The following HMOX2 variants were observed in gnomAD, a reference collection of about 807,000 sequenced individuals.
HMOX2 encodes the protein heme oxygenase (decycling) 2.
A neutral mutation model predicts 33.7 loss-of-function variants in HMOX2; 30 were observed. The observed-to-expected ratio is 0.89, with a 90% CI of 0.67 to 1.21. The LOEUF is 1.21. HMOX2 is among the 50% of genes most tolerant of loss of function. The probability of loss-of-function intolerance (pLI) is 0.00; values close to 1 mark genes in which losing one functional copy is unlikely to be tolerated. For synonymous variants in HMOX2, 155 were observed against 155.0 expected, an observed-to-expected ratio of 1.00 and a Z score of 0.00; for missense variants, 403 against 399.1, an observed-to-expected ratio of 1.01 and a Z score of -0.08.
chr16:4,481,086 C>A (rs528947191), intron 1 of HMOX2, among the ~76,000 whole-genome samples: 3 of 151,686 alleles, frequency 2.0e-5, no homozygotes, highest in East Asian at 2.0e-4. Flanking sequence ...GTGGCTCGCA[C>A]CTGTAATCCC....
chr16:4,508,354 G>T (rs2141612873), intron 4 of HMOX2, 150 bp downstream of exon 4: 16 of 840,520 alleles, frequency 1.9e-5, no homozygotes, highest in Non-Finnish European at 3.0e-5. Flanking sequence ...TTGGCCACCA[G>T]AGCTTGTGGG....
intron 1 of HMOX2, among the ~76,000 whole-genome samples, chr16:4,504,152 C>G (rs568046026): frequency 6.6e-6 from 1 of 152,298 alleles, no homozygotes; most frequent in African/African-American, 2.4e-5. Context: ...TTCCTTCAGC[C>G]TAGCAAAGTC....
chr16:4,509,350 T>A (rs867654961), intron 4 of HMOX2, 62 bp from the exon 5 acceptor site: 239 of 1,377,446 alleles, frequency 1.7e-4, no homozygotes, highest in Middle Eastern at 2.0e-4. Context: ...AAAAGACATT[T>A]AAAAAAAAAA....
intron 1 of HMOX2, among the ~76,000 whole-genome samples, chr16:4,498,687 T>C (rs2058483078): frequency 6.6e-6 from 1 of 152,226 alleles, no homozygotes; most frequent in African/African-American, 2.4e-5. Flanking sequence ...GATTTGCTCT[T>C]TTATCAAGAG....
chr16:4,496,561 A>AC (rs2058427027), intron 1 of HMOX2: 1 of 152,234 alleles, frequency 6.6e-6, no homozygotes, highest in East Asian at 1.9e-4. Flanking sequence ...GTCTGTGGTG[A>AC]CACTATACTA....
At chr16:4,477,118 C>T (rs886894100) in intron 1 of HMOX2, among the ~76,000 whole-genome samples, 2 of 152,034 alleles carry the variant, frequency 1.3e-5, no homozygotes, top group African/African-American at 4.8e-5. Flanking sequence ...TTTCTGAGCG[C>T]AGTGCTCTGG....
At chr16:4,502,945 T>C (rs948774312) in intron 1 of HMOX2, 1 of 152,318 alleles carries the variant, frequency 6.6e-6, no homozygotes, top group Non-Finnish European at 1.5e-5. Context: ...GCCTCCTGAG[T>C]AGCTGGGATT....
intron 1 of HMOX2, among the ~76,000 whole-genome samples, chr16:4,483,994 A>T (rs1158549412): frequency 2.1e-4 from 14 of 66,498 alleles, no homozygotes; most frequent in African/African-American, 1.3e-3. Flanking sequence ...TTTTTTTTTG[A>T]GACGGAGTCT....
intron 1 of HMOX2, among the ~76,000 whole-genome samples, chr16:4,488,223 T>C (rs1051171310): frequency 1.2e-4 from 18 of 152,144 alleles, no homozygotes; most frequent in Non-Finnish European, 2.5e-4. Flanking sequence ...TTATGTCTGC[T>C]TTTTTCTAAA....
chr16:4,506,822 C>G (rs2058704830), intron 2 of HMOX2, 73 bp from the exon 3 acceptor site: 1 of 1,136,262 alleles, frequency 8.8e-7, no homozygotes, highest in Non-Finnish European at 1.3e-6. Context: ...TGGACTCAAT[C>G]TTCTCTCTAT....
intron 1 of HMOX2, among the ~76,000 whole-genome samples, chr16:4,497,374 AG>A (rs1317810321): frequency 1.3e-5 from 2 of 152,198 alleles, no homozygotes; most frequent in Non-Finnish European, 2.9e-5. Context: ...AAATCCCACC[AG>A]AACCATTTTA....
intron 1 of HMOX2, among the ~76,000 whole-genome samples, chr16:4,502,548 C>T (rs1265579568): frequency 2.6e-5 from 4 of 152,010 alleles, no homozygotes; most frequent in African/African-American, 9.7e-5. Context: ...TTCCATCACC[C>T]ATCTAGAGGC....
chr16:4,500,480 C>T (rs1054136356), intron 1 of HMOX2, among the ~76,000 whole-genome samples: 1 of 152,038 alleles, frequency 6.6e-6, no homozygotes, highest in Non-Finnish European at 1.5e-5. Context: ...GAATTGTTCT[C>T]ATTCCAGGGA....
At chr16:4,492,210 T>A (rs528898615) in intron 1 of HMOX2, among the ~76,000 whole-genome samples, 52 of 152,028 alleles carry the variant, frequency 3.4e-4, no homozygotes, top group African/African-American at 1.1e-3. Flanking sequence ...GGTGCGCACA[T>A]GTAGTCCTAG....
chr16:4,509,499 A>G lies in HMOX2; in HGVS notation c.784A>G (p.Met262Val), dbSNP rs776715651. The G allele has an allele frequency of 1.4e-5, 23 of 1,614,198 alleles. No individual in the cohort carries two copies. Among genetic ancestry groups the G allele is most frequent in the Non-Finnish European group, 1.9e-5 (22 of 1,180,032 alleles). The part of the protein sequence containing the change: ...GFPVHDGKGD[M>V]RKCPFYAAEQ... The stretch of plus-strand genomic sequence containing the variant: ...CCCTGTACACGATGGGAAAGGAGAC[A>G]TGCGTAAATGCCCTTTCTACGCTGC... Residue 262 changes from methionine to valine, a missense_variant, in exon 5 of 6, where the codon ATG becomes GTG. Transcript: ENST00000570646.
intron 1 of HMOX2, among the ~76,000 whole-genome samples, chr16:4,496,970 T>G (rs907181617): frequency 1.3e-5 from 2 of 152,088 alleles, no homozygotes; most frequent in Non-Finnish European, 2.9e-5. Context: ...GTACAGAGAT[T>G]ATAGGTGTGA....
At chr16:4,500,640 G>T (rs777473776) in intron 1 of HMOX2, among the ~76,000 whole-genome samples, 11 of 152,130 alleles carry the variant, frequency 7.2e-5, no homozygotes, top group Admixed American at 1.3e-4. Flanking sequence ...ATAGTCCTTA[G>T]ATTATATTCC....
chr16:4,487,420 C>T (rs987613769), intron 1 of HMOX2, among the ~76,000 whole-genome samples: 8 of 152,138 alleles, frequency 5.3e-5, no homozygotes, highest in Non-Finnish European at 7.4e-5. Context: ...CCTGTAATCC[C>T]GGCACTTTGG....
intron 1 of HMOX2, among the ~76,000 whole-genome samples, chr16:4,492,632 T>C (rs2141562398): frequency 6.6e-6 from 1 of 151,904 alleles, no homozygotes; most frequent in East Asian, 1.9e-4. Flanking sequence ...GGCAGGAAAA[T>C]CCCTTGAACC....
Sources: allele counts gnomAD v4.1 joint callset (sites outside exome capture counted in the v4.1 genomes callset), GRCh38; gene constraint gnomAD v4.1.1; transcripts MANE v1.5; gene names NCBI Gene and HGNC (gene_info 2026-07-23, HGNC 2026-07-21).